PLEKHA8: variants seen among roughly 807,000 people sequenced by gnomAD.
The protein encoded by PLEKHA8 is pleckstrin homology domain containing A8.
Under a neutral mutation model 68.2 loss-of-function variants are expected in PLEKHA8, and 36 were observed. That is an observed-to-expected ratio of 0.53 (90% CI 0.40 to 0.70). The LOEUF (loss-of-function observed/expected upper bound fraction) is 0.70. PLEKHA8 is among the 30% of genes least tolerant of loss of function. The probability of loss-of-function intolerance (pLI) is 0.00; values close to 1 mark genes in which losing one functional copy is unlikely to be tolerated. For synonymous variants in PLEKHA8, 211 were observed against 216.1 expected, an observed-to-expected ratio of 0.98 and a Z score of 0.20; for missense variants, 505 against 615.4, an observed-to-expected ratio of 0.82 and a Z score of 1.90.
chr7:30,122,630 G>A (rs1796713432), intron 13 of PLEKHA8, among the ~76,000 whole-genome samples: 1 of 152,126 alleles, frequency 6.6e-6, no homozygotes, highest in South Asian at 2.1e-4. Flanking sequence ...GGCTCACTCT[G>A]CTCTCCTGTC....
At chr7:30,107,499 G>A (rs1377306661) in intron 13 of PLEKHA8, among the ~76,000 whole-genome samples, 2 of 151,868 alleles carry the variant, frequency 1.3e-5, no homozygotes, top group Non-Finnish European at 2.9e-5. Context: ...AGGTTCCTTT[G>A]TATTTCGTAT....
chr7:30,096,178 G>A lies in PLEKHA8; in HGVS notation c.1362+22046G>A, dbSNP rs1167895798. ...ATGAGCATGGAATGTTCTTCCATTC[G>A]TTTGTATCCTCTTTTATTTCCTTGA... On this transcript the variant is annotated intron_variant, in intron 13 of 13. Transcript: ENST00000396257. 2.6e-5 allele frequency among the ~76,000 whole-genome samples: 4 copies of A among 152,136 alleles called. No individual in the cohort carries two copies. The East Asian group carries it at 5.8e-4, about 22-fold the overall frequency.
chr7:30,033,510 A>G (rs993724217), intron 1 of PLEKHA8, among the ~76,000 whole-genome samples: 1 of 152,186 alleles, frequency 6.6e-6, no homozygotes, highest in Admixed American at 6.5e-5. Flanking sequence ...TATGTATACC[A>G]TATTTAGTTT....
At chr7:30,067,690 G>T (rs915738003) in intron 12 of PLEKHA8, among the ~76,000 whole-genome samples, 2 of 152,128 alleles carry the variant, frequency 1.3e-5, no homozygotes, top group African/African-American at 2.4e-5. Flanking sequence ...GCAGCATCTA[G>T]CATTGGACTA....
chr7:30,125,911 A>G (rs1297111016), intron 13 of PLEKHA8, among the ~76,000 whole-genome samples: 1 of 151,904 alleles, frequency 6.6e-6, no homozygotes, highest in Non-Finnish European at 1.5e-5. Flanking sequence ...CAACTTGCCT[A>G]TTTTTTTATT....
At chr7:30,068,533 TC>T (rs1479624865) in intron 12 of PLEKHA8, among the ~76,000 whole-genome samples, 2 of 152,250 alleles carry the variant, frequency 1.3e-5, no homozygotes, top group African/African-American at 4.8e-5. Flanking sequence ...AGTTGCCTGT[TC>T]ATGTATTTGA....
At chr7:30,102,406 C>T (rs1347623720) in intron 13 of PLEKHA8, among the ~76,000 whole-genome samples, 1 of 152,204 alleles carries the variant, frequency 6.6e-6, no homozygotes. Context: ...TATGATCCAG[C>T]AATTCCACTC....
chr7:30,082,886 G>A lies in PLEKHA8; in HGVS notation c.*4099G>A, dbSNP rs1795012446. The A allele has an allele frequency of 1.0e-5, 10 of 985,280 alleles. No individual in the cohort carries two copies. The highest frequency in any genetic ancestry group is 4.7e-5 in the South Asian group (1 of 21,278). 61.0% of individuals were successfully genotyped at this position (985,280 alleles called of 1,614,324 possible). On this transcript the variant is annotated 3_prime_UTR_variant, in exon 14 of 14. Transcript: ENST00000449726. ...GGGGAGCTTCCTGGAGGAAAATTAA[G>A]TTTTTTTCCTAGCAAACTACCATGT...
At position 30,045,122 on chromosome 7, in the gene PLEKHA8, A is replaced by G. The variant is rs1334460173; in HGVS notation, c.78A>G (p.Ile26Met). Residue 26 changes from isoleucine to methionine, a missense_variant, in exon 2 of 14, where the codon ATA becomes ATG. Ile to Met is a conservative substitution (Grantham distance 10). Transcript: ENST00000449726. ...GATGGTTCCTTCTCTGTGGGGGAATATTGTCCTATTATGATTCTCCTGAAG... is the reference window on the plus strand; with the variant it reads ...GATGGTTCCTTCTCTGTGGGGGAATGTTGTCCTATTATGATTCTCCTGAAG... ...QPRWFLLCGG[I>M]LSYYDSPEDA... 3.1e-6 allele frequency: 5 copies of G among 1,610,414 alleles called. No homozygotes were observed. Among genetic ancestry groups the G allele is most frequent in the Admixed American group, 3.4e-5 (2 of 59,378 alleles).
At chr7:30,087,680 C>G (rs563962647), downstream of PLEKHA8, among the ~76,000 whole-genome samples, 2 of 152,304 alleles carry the variant, frequency 1.3e-5, no homozygotes, top group South Asian at 4.1e-4. Flanking sequence ...CCTGTCATGG[C>G]CTTCCAAACC....
At position 30,079,385 on chromosome 7, in the gene PLEKHA8, A is replaced by G. The variant is rs116274029; in HGVS notation, c.*598A>G. On this transcript the variant is annotated 3_prime_UTR_variant, in exon 14 of 14. Transcript: ENST00000449726. ...CGAAGAAGACGTGGACAGGAGTCCC[A>G]TCCTTGCTGACAGGCATGAAACCGT... The G allele has an allele frequency of 3.0e-3, 2,961 of 985,920 alleles. 75 individuals are homozygous for G. In the African/African-American group the frequency reaches 0.046, roughly 15 times the overall value. 61.1% of individuals were successfully genotyped at this position (985,920 alleles called of 1,614,324 possible).
chr7:30,075,171 A>G (rs1243273247), intron 13 of PLEKHA8: 1 of 152,148 alleles, frequency 6.6e-6, no homozygotes, highest in African/African-American at 2.4e-5. Flanking sequence ...TTTATTAGGG[A>G]GGGCGGTAAA....
At chr7:30,057,437 G>T (rs1793082759) in intron 9 of PLEKHA8, among the ~76,000 whole-genome samples, 1 of 151,454 alleles carries the variant, frequency 6.6e-6, no homozygotes, top group South Asian at 2.1e-4. Context: ...GATGGACTTT[G>T]GGCAGTTTGT....
chr7:30,127,728 A>T (rs1796799321), intron 13 of PLEKHA8, among the ~76,000 whole-genome samples: 1 of 152,240 alleles, frequency 6.6e-6, no homozygotes, highest in Non-Finnish European at 1.5e-5. Flanking sequence ...GAATGTAAAA[A>T]GTTCTTGTCT....
At chr7:30,062,789 T>G (rs1562524339) in intron 12 of PLEKHA8, 47 bp downstream of exon 12, 1 of 1,437,156 alleles carries the variant, frequency 7.0e-7, no homozygotes, top group South Asian at 1.2e-5. Flanking sequence ...GACTGTGGAA[T>G]GGAGACCCCT....
At chr7:30,089,579 T>C (rs1260089640), downstream of PLEKHA8, among the ~76,000 whole-genome samples, 1 of 152,206 alleles carries the variant, frequency 6.6e-6, no homozygotes, top group African/African-American at 2.4e-5. Context: ...AGCAAATACC[T>C]GGTCTGAACA....
At chr7:30,045,966 T>C (rs1791922638) in intron 2 of PLEKHA8, among the ~76,000 whole-genome samples, 1 of 152,250 alleles carries the variant, frequency 6.6e-6, no homozygotes, top group South Asian at 2.1e-4. Context: ...GATTCTTGTT[T>C]GGGCTGAAGT....
At chr7:30,100,559 T>TAATA (rs1366859841) in intron 13 of PLEKHA8, among the ~76,000 whole-genome samples, 1 of 151,756 alleles carries the variant, frequency 6.6e-6, no homozygotes, top group Non-Finnish European at 1.5e-5. Flanking sequence ...TCAAAAAAAT[T>TAATA]AATTAATTAA....
At chr7:30,129,372 T>C in exon 14 of PLEKHA8, 1 of 1,600,802 alleles carries the variant, frequency 6.2e-7, no homozygotes, top group Non-Finnish European at 8.6e-7. Context: ...AAAGAAGAGC[T>C]GAAACCCTGA....
Sources: allele counts gnomAD v4.1 joint callset (sites outside exome capture counted in the v4.1 genomes callset), GRCh38; gene constraint gnomAD v4.1.1; transcripts MANE v1.5; gene names NCBI Gene and HGNC (gene_info 2026-07-23, HGNC 2026-07-21).